RBPJ: variants seen among roughly 807,000 people sequenced by gnomAD.
The protein encoded by RBPJ is recombination signal binding protein for immunoglobulin kappa J region.
In RBPJ, 9 loss-of-function variants were observed where a neutral mutation model predicts 67.8. That is an observed-to-expected ratio of 0.13 (90% CI 0.08 to 0.23). The LOEUF (loss-of-function observed/expected upper bound fraction) is 0.23. RBPJ is among the 10% of genes least tolerant of loss of function. The pLI, the probability that RBPJ is intolerant of heterozygous loss-of-function variation, is 1.00. For missense variants in RBPJ, 305 were observed against 595.6 expected (o/e 0.51, Z 5.08); for synonymous variants, 198 against 203.3 (o/e 0.97, Z 0.22).
chr4:26,113,750 A>C, the RBPJ span: 1 of 266,238 alleles, frequency 3.8e-6, no homozygotes, highest in Non-Finnish European at 8.2e-6. Flanking sequence ...CTATAAATGT[A>C]GTGAATGTGG....
intron 1 of RBPJ, among the ~76,000 whole-genome samples, chr4:26,258,650 A>G (rs1720423691): frequency 6.7e-6 from 1 of 149,088 alleles, no homozygotes; most frequent in Non-Finnish European, 1.5e-5. Context: ...GCTTCATCAA[A>G]TTCAAGACAC....
At chr4:26,167,293 C>A (rs1354833708) in intron 1 of RBPJ, among the ~76,000 whole-genome samples, 2 of 152,290 alleles carry the variant, frequency 1.3e-5, no homozygotes, top group South Asian at 4.2e-4. Flanking sequence ...TTGAACCTAT[C>A]AATTACCTTG....
At chr4:26,317,790 T>C (rs535189538), upstream of RBPJ, among the ~76,000 whole-genome samples, 5 of 152,108 alleles carry the variant, frequency 3.3e-5, no homozygotes, top group Non-Finnish European at 7.4e-5. Flanking sequence ...AGTGGAAGAA[T>C]GGAGTTGTCC....
At chr4:26,334,503 A>G (rs1231140284) in intron 1 of RBPJ, among the ~76,000 whole-genome samples, 1 of 152,150 alleles carries the variant, frequency 6.6e-6, no homozygotes, top group South Asian at 2.1e-4. Context: ...AAAGGAGAGC[A>G]TACATGAGAA....
chr4:26,231,560 C>T (rs1021675143), intron 1 of RBPJ, among the ~76,000 whole-genome samples: 10 of 151,956 alleles, frequency 6.6e-5, no homozygotes, highest in Middle Eastern at 3.4e-3. Context: ...TATAGGCACC[C>T]GCCACCATGC....
rs2109223397 is a variant in RBPJ, at chr4:26,244,190, T to TATATGTATAC, written c.-167+80582_-167+80583insATACATATGT. Among the ~76,000 whole-genome samples, 2 of 137,546 alleles carry TATATGTATAC rather than the reference T, an allele frequency of 1.5e-5. 1 individual carries two copies. Among genetic ancestry groups the TATATGTATAC allele is most frequent in the Non-Finnish European group, 3.2e-5 (2 of 62,786 alleles). 90.2% of individuals were successfully genotyped at this position (137,546 alleles called of 152,430 possible). On this transcript the variant is annotated intron_variant, in intron 1 of 4. Coordinates refer to the RBPJ transcript ENST00000512351. ...ATATGTATACACATATATGTATACA[T>TATATGTATAC]ATATGTGTCTATATATGTATACACA...
At chr4:26,418,264 G>A (rs1329100727) in intron 4 of RBPJ, among the ~76,000 whole-genome samples, 1 of 152,116 alleles carries the variant, frequency 6.6e-6, no homozygotes, top group African/African-American at 2.4e-5. Flanking sequence ...CTAGAATTCC[G>A]TTAGCTAATT....
chr4:26,411,827 G>T (rs1191425552), intron 3 of RBPJ, among the ~76,000 whole-genome samples: 1 of 151,936 alleles, frequency 6.6e-6, no homozygotes, highest in South Asian at 2.1e-4. Flanking sequence ...CCATTTATGG[G>T]CCAGGCGCGG....
At chr4:26,418,335 T>C (rs922031361) in intron 4 of RBPJ, among the ~76,000 whole-genome samples, 17 of 152,202 alleles carry the variant, frequency 1.1e-4, no homozygotes, top group Admixed American at 2.6e-4. Context: ...TTTCTATGAG[T>C]CAGTGACTTT....
intron 1 of RBPJ, among the ~76,000 whole-genome samples, chr4:26,328,676 T>C (rs1244783941): frequency 1.3e-5 from 2 of 152,158 alleles, no homozygotes; most frequent in Non-Finnish European, 2.9e-5. Flanking sequence ...TTGCTCAGCC[T>C]GGAATACAGT....
intron 5 of RBPJ, 159 bp downstream of exon 5, chr4:26,420,884 A>C (rs1336672295): frequency 1.6e-6 from 1 of 628,068 alleles, no homozygotes; most frequent in Admixed American, 3.4e-5. Context: ...GTAAATCGAC[A>C]GTATGTGGTC....
intron 1 of RBPJ, among the ~76,000 whole-genome samples, chr4:26,327,442 C>T (rs2109343707): frequency 6.6e-6 from 1 of 150,770 alleles, no homozygotes; most frequent in South Asian, 2.1e-4. Context: ...ATAGAAAACA[C>T]ATTTTTTTAA....
At chr4:26,427,985 G>C (rs770061745) in intron 7 of RBPJ, among the ~76,000 whole-genome samples, 20 of 152,128 alleles carry the variant, frequency 1.3e-4, no homozygotes, top group Admixed American at 3.3e-4. Flanking sequence ...CATGTGTTTT[G>C]TAGACTAGTT....
chr4:26,123,164 C>T, the RBPJ span, among the ~76,000 whole-genome samples: 1 of 152,152 alleles, frequency 6.6e-6, no homozygotes, highest in African/African-American at 2.4e-5. Context: ...GCCTACTGCA[C>T]ACCTAGGCTA....
the RBPJ span, among the ~76,000 whole-genome samples, chr4:26,122,074 C>T: frequency 6.6e-6 from 1 of 152,064 alleles, no homozygotes; most frequent in Non-Finnish European, 1.5e-5. Context: ...TAATCAGAAT[C>T]ATCTCTGAAA....
the RBPJ span, among the ~76,000 whole-genome samples, chr4:26,136,234 A>G: frequency 3.9e-3 from 590 of 152,304 alleles, 4 homozygotes; most frequent in African/African-American, 0.013. Context: ...CAATGAAACC[A>G]TATCATGGAC....
chr4:26,322,203 G>GGAC (rs1723159699), intron 1 of RBPJ: 1 of 152,180 alleles, frequency 6.6e-6, no homozygotes. Context: ...GGGTATCGTA[G>GGAC]GACGGTTAGA....
chr4:26,228,606 A>G (rs1342044482), intron 1 of RBPJ, among the ~76,000 whole-genome samples: 1 of 152,244 alleles, frequency 6.6e-6, no homozygotes, highest in Non-Finnish European at 1.5e-5. Flanking sequence ...CCAAAAAACA[A>G]GATAGGAAAA....
intron 1 of RBPJ, among the ~76,000 whole-genome samples, chr4:26,215,255 G>GGTAGGAA (rs1245908177): frequency 4.4e-5 from 2 of 45,652 alleles, no homozygotes; most frequent in African/African-American, 9.5e-5. Context: ...AAGTAAGAAA[G>GGTAGGAA]AAAGGAAGGG....
Sources: allele counts gnomAD v4.1 joint callset (sites outside exome capture counted in the v4.1 genomes callset), GRCh38; gene constraint gnomAD v4.1.1; transcripts MANE v1.5; gene names NCBI Gene and HGNC (gene_info 2026-07-23, HGNC 2026-07-21).